PCDH11X: variants seen among roughly 807,000 people sequenced by gnomAD.
The protein encoded by PCDH11X is protocadherin 11 X-linked.
A neutral mutation model predicts 53.3 loss-of-function variants in PCDH11X; 18 were observed. That is an observed-to-expected ratio of 0.34 (90% CI 0.23 to 0.50). PCDH11X has a LOEUF of 0.50. Ranked by LOEUF, PCDH11X falls within the 20% of genes least tolerant of loss-of-function variation. The pLI, the probability that PCDH11X is intolerant of heterozygous loss-of-function variation, is 0.98. For synonymous variants in PCDH11X, 279 were observed against 393.3 expected, an observed-to-expected ratio of 0.71 and a Z score of 3.44; for missense variants, 570 against 1,032.4, an observed-to-expected ratio of 0.55 and a Z score of 6.14.
intron 10 of PCDH11X, among the ~76,000 whole-genome samples, chrX:92,545,828 G>A (rs1249894545): frequency 1.8e-5 from 2 of 109,261 alleles, no homozygotes; most frequent in African/African-American, 6.6e-5. Context: ...TAGTTTAAAG[G>A]TGTGATTACA....
chrX:92,074,786 A>G (rs1234018081), intron 6 of PCDH11X, among the ~76,000 whole-genome samples: 1 of 112,245 alleles, frequency 8.9e-6, no homozygotes, highest in Non-Finnish European at 1.9e-5. Flanking sequence ...TGAATCGTTT[A>G]TTAATTTGTA....
At chrX:92,314,659 C>T (rs1271684663) in intron 8 of PCDH11X, among the ~76,000 whole-genome samples, 2 of 110,571 alleles carry the variant, frequency 1.8e-5, no homozygotes, top group African/African-American at 3.3e-5. Flanking sequence ...ATGATGGCTA[C>T]GAAGTCACTA....
At chrX:92,031,587 G>A (rs1223132036) in intron 6 of PCDH11X, among the ~76,000 whole-genome samples, 1 of 111,595 alleles carries the variant, frequency 9.0e-6, no homozygotes, top group Non-Finnish European at 1.9e-5. Flanking sequence ...TATCTCCAAT[G>A]TTTTCTTGTG....
At chrX:92,082,188 T>C (rs1176159277) in intron 6 of PCDH11X, among the ~76,000 whole-genome samples, 2 of 109,697 alleles carry the variant, frequency 1.8e-5, no homozygotes, top group Non-Finnish European at 3.8e-5. Context: ...AGAAATAAAA[T>C]TGAATAGGTT....
At chrX:91,909,373 G>A (rs1366024213) in intron 6 of PCDH11X, among the ~76,000 whole-genome samples, 1 of 107,160 alleles carries the variant, frequency 9.3e-6, no homozygotes, top group East Asian at 3.0e-4. Flanking sequence ...GTCACATTTC[G>A]TGGCTCATAT....
intron 6 of PCDH11X, among the ~76,000 whole-genome samples, chrX:92,009,671 G>C (rs1389989168): frequency 9.6e-6 from 1 of 103,939 alleles, no homozygotes; most frequent in East Asian, 3.0e-4. Flanking sequence ...TGAAACCCAG[G>C]CCCCTTGATA....
chrX:92,513,369 CA>C (rs780843755), intron 10 of PCDH11X, among the ~76,000 whole-genome samples: 2 of 107,362 alleles, frequency 1.9e-5, no homozygotes, highest in Non-Finnish European at 3.8e-5. Context: ...ATATTACTAG[CA>C]AAAATAATGA....
At chrX:92,201,166 CT>C (rs1452068213) in intron 6 of PCDH11X, 1 of 142,900 alleles carries the variant, frequency 7.0e-6, no homozygotes, top group East Asian at 2.7e-4. Context: ...TTTTTTTTCT[CT>C]TTTTTAATTC....
intron 10 of PCDH11X, among the ~76,000 whole-genome samples, chrX:92,553,426 TC>T (rs1253316699): frequency 9.1e-6 from 1 of 110,410 alleles, no homozygotes; most frequent in Non-Finnish European, 1.9e-5. Flanking sequence ...TTGTAGCGTC[TC>T]CTTTAGCATT....
chrX:92,255,031 AG>A (rs2067540685), intron 7 of PCDH11X, among the ~76,000 whole-genome samples: 1 of 97,369 alleles, frequency 1.0e-5, no homozygotes, highest in Admixed American at 1.1e-4. Flanking sequence ...TATCCTGCAG[AG>A]TGTTTTCCAA....
chrX:92,255,396 G>A (rs370423233), intron 7 of PCDH11X, among the ~76,000 whole-genome samples: 77 of 101,293 alleles, frequency 7.6e-4, no homozygotes, highest in African/African-American at 1.5e-3. Flanking sequence ...ATGTCCTCCC[G>A]TAGCTCAGAG....
chrX:92,283,867 TCTTA>T lies in PCDH11X; in HGVS notation c.3144+20728_3144+20731del, dbSNP rs774380944. Among the ~76,000 whole-genome samples the T allele has an allele frequency of 2.6e-3, 293 of 111,906 alleles. 1 individual carries two copies. The highest frequency in any genetic ancestry group is 9.2e-3 in the African/African-American group (285 of 30,900). On this transcript the variant is annotated intron_variant, in intron 8 of 10. Coordinates refer to ENST00000682573, the MANE Select transcript of PCDH11X (RefSeq NM_032968.5). ...TGTGGAATGAAGGTAGACATATTTCTCTTACTTTACTGTCCTTTATTTTTTCTTG... is the reference window on the plus strand; with the variant it reads ...TGTGGAATGAAGGTAGACATATTTCTCTTTACTGTCCTTTATTTTTTCTTG...
intron 7 of PCDH11X, among the ~76,000 whole-genome samples, chrX:92,246,738 G>C (rs1182350586): frequency 9.0e-6 from 1 of 111,676 alleles, no homozygotes; most frequent in East Asian, 2.8e-4. Context: ...AAATGTAAAA[G>C]TAGGATATTT....
chrX:92,515,096 C>T (rs761426742), intron 10 of PCDH11X, among the ~76,000 whole-genome samples: 1 of 102,735 alleles, frequency 9.7e-6, no homozygotes, highest in African/African-American at 3.5e-5. Context: ...TCCTTCAAAA[C>T]CGACTCTAAC....
chrX:92,580,593 C>T lies in PCDH11X; in HGVS notation c.3368-37671C>T, dbSNP rs369569484. Among the ~76,000 whole-genome samples, 6 of 110,758 alleles carry T rather than the reference C, an allele frequency of 5.4e-5. No individual in the cohort carries two copies. In the East Asian group the frequency reaches 1.4e-3, roughly 26 times the overall value. On this transcript the variant is annotated intron_variant, in intron 10 of 10. Coordinates refer to ENST00000682573, the MANE Select transcript of PCDH11X (RefSeq NM_032968.5). ...GCAGCCCAGTCTCCCTCTCACAGGC[C>T]GGGAAAAAAAAGCCTACTGAAGCTG... is the stretch of plus-strand genomic sequence containing the variant.
In PCDH11X at chrX:92,481,730, C is replaced by G. The variant is rs918732619; in HGVS notation, c.3367+13408C>G. 2.7e-5 allele frequency among the ~76,000 whole-genome samples: 3 copies of G among 111,742 alleles called. No homozygotes were observed. In the Admixed American group the frequency reaches 2.8e-4, roughly 11 times the overall value. On this transcript the variant is annotated intron_variant, in intron 10 of 10. Coordinates refer to ENST00000682573, the MANE Select transcript of PCDH11X (RefSeq NM_032968.5). Reference sequence around the variant, plus strand: ...GGTGAGAGTCCCTGACCATGCTCTGCTACAGACGCTCCCGCACCAAACCCT... The same window carrying G: ...GGTGAGAGTCCCTGACCATGCTCTGGTACAGACGCTCCCGCACCAAACCCT...
intron 6 of PCDH11X, among the ~76,000 whole-genome samples, chrX:91,996,229 C>T (rs1169436666): frequency 2.0e-5 from 2 of 99,125 alleles, no homozygotes; most frequent in African/African-American, 3.7e-5. Context: ...TCACTGCAAT[C>T]TCCGCCTCCC....
chrX:92,178,083 G>A (rs140076155), intron 6 of PCDH11X, among the ~76,000 whole-genome samples: 2 of 110,221 alleles, frequency 1.8e-5, no homozygotes, highest in Non-Finnish European at 3.8e-5. Flanking sequence ...CTCTTTCCTT[G>A]GTTTTAAAGA....
At chrX:92,541,018 G>A (rs919116111) in intron 10 of PCDH11X, among the ~76,000 whole-genome samples, 1 of 110,495 alleles carries the variant, frequency 9.1e-6, no homozygotes, top group Non-Finnish European at 1.9e-5. Context: ...TGGAAAAGGA[G>A]TGGCACAAGC....
Sources: allele counts gnomAD v4.1 joint callset (sites outside exome capture counted in the v4.1 genomes callset), GRCh38; gene constraint gnomAD v4.1.1; transcripts MANE v1.5; gene names NCBI Gene and HGNC (gene_info 2026-07-23, HGNC 2026-07-21).